Variants in KCND2 observed in about 807,000 individuals in gnomAD.
KCND2 encodes the protein A-type voltage-gated potassium channel KCND2.
A neutral mutation model predicts 54.4 loss-of-function variants in KCND2; 16 were observed. The observed-to-expected ratio is 0.29, with a 90% confidence interval of 0.20 to 0.45. KCND2 has a LOEUF of 0.45. Among genes scored for constraint, KCND2 ranks in the 20% least tolerant of loss-of-function variants. The pLI is 1.00. For missense variants in KCND2, 486 were observed against 824.2 expected, an observed-to-expected ratio of 0.59 and a Z score of 5.02; for synonymous variants, 317 against 310.7, an observed-to-expected ratio of 1.02 and a Z score of -0.21.
rs1221767845 is a variant in KCND2 at position 120,651,216 on chromosome 7, G to A, written c.1116-81687G>A. ...TCAGCTATGCCCTGCCCCCAGAGGT[G>A]GAGTCTACAGAGGCAGGCAGGCCTC... On this transcript the variant is annotated intron_variant, in intron 1 of 5. Coordinates refer to ENST00000331113, the MANE Select transcript of KCND2 (RefSeq NM_012281.3). 2.1e-5 allele frequency among the ~76,000 whole-genome samples: 3 copies of A among 143,356 alleles called. 1 individual carries two copies. The highest frequency in any genetic ancestry group is 4.5e-5 in the Non-Finnish European group (3 of 65,948). 94.0% of individuals were successfully genotyped at this position (143,356 alleles called of 152,430 possible).
chr7:120,301,462 T>C (rs780868053), intron 1 of KCND2, among the ~76,000 whole-genome samples: 1 of 152,168 alleles, frequency 6.6e-6, no homozygotes, highest in Non-Finnish European at 1.5e-5. Flanking sequence ...TAAGTCGCCA[T>C]CTAAAATCTT....
intron 1 of KCND2, among the ~76,000 whole-genome samples, chr7:120,557,972 A>T (rs907875246): frequency 6.6e-6 from 1 of 152,170 alleles, no homozygotes; most frequent in Non-Finnish European, 1.5e-5. Flanking sequence ...TTTGAAATGT[A>T]CAATAGTCCT....
At chr7:120,607,747 T>C (rs1010570991) in intron 1 of KCND2, among the ~76,000 whole-genome samples, 1 of 151,924 alleles carries the variant, frequency 6.6e-6, no homozygotes, top group Non-Finnish European at 1.5e-5. Context: ...AAAGAATAAG[T>C]AGGGGAAGAT....
At chr7:120,609,453 A>G (rs565643405) in intron 1 of KCND2, among the ~76,000 whole-genome samples, 1 of 152,260 alleles carries the variant, frequency 6.6e-6, no homozygotes, top group South Asian at 2.1e-4. Flanking sequence ...CGATCCACTC[A>G]TATGGTCTAA....
chr7:120,662,300 ATCT>A (rs1791875694), intron 1 of KCND2, among the ~76,000 whole-genome samples: 1 of 152,204 alleles, frequency 6.6e-6, no homozygotes, highest in Admixed American at 6.5e-5. Flanking sequence ...AAGCACTATA[ATCT>A]TCTCCTAAAT....
intron 1 of KCND2, among the ~76,000 whole-genome samples, chr7:120,520,072 A>G (rs1483186312): frequency 6.6e-6 from 1 of 152,120 alleles, no homozygotes; most frequent in Non-Finnish European, 1.5e-5. Flanking sequence ...CACAATGAAT[A>G]TATTAACAAT....
At position 120,274,103 on chromosome 7, in the gene KCND2, A is replaced by G. The variant is rs537279866; in HGVS notation, c.-530A>G. ...ACCGCATCTCCTGAGCTACAACAACAGGTCGCCTTTTTGAGACTCCTTTGG... is the reference window on the plus strand; with the variant it reads ...ACCGCATCTCCTGAGCTACAACAACGGGTCGCCTTTTTGAGACTCCTTTGG... On this transcript the variant is annotated 5_prime_UTR_variant, in exon 1 of 6. Transcript: ENST00000331113. 1.3e-4 allele frequency: 21 copies of G among 159,630 alleles called. No homozygotes were observed. Among genetic ancestry groups the G allele is most frequent in the South Asian group, 1.8e-4 (1 of 5,582 alleles). The allele number at this position is 159,630 out of a possible 1,614,324, so 9.9% of individuals were successfully genotyped here.
intron 1 of KCND2, among the ~76,000 whole-genome samples, chr7:120,564,494 C>A (rs1422353962): frequency 6.6e-6 from 1 of 152,096 alleles, no homozygotes; most frequent in Non-Finnish European, 1.5e-5. Flanking sequence ...AATACATATT[C>A]TTCTGCAATA....
intron 1 of KCND2, among the ~76,000 whole-genome samples, chr7:120,332,762 T>C (rs1279208601): frequency 6.6e-6 from 1 of 152,124 alleles, no homozygotes; most frequent in Non-Finnish European, 1.5e-5. Flanking sequence ...CATTTTTCTC[T>C]TCTTTTTATA....
At chr7:120,300,540 T>C (rs1486117315) in intron 1 of KCND2, among the ~76,000 whole-genome samples, 1 of 152,148 alleles carries the variant, frequency 6.6e-6, no homozygotes, top group African/African-American at 2.4e-5. Context: ...AAATATATAG[T>C]GAACATGGAT....
At chr7:120,454,312 T>C (rs900650759) in intron 1 of KCND2, among the ~76,000 whole-genome samples, 1 of 151,872 alleles carries the variant, frequency 6.6e-6, no homozygotes, top group African/African-American at 2.4e-5. Flanking sequence ...GACCACTAGC[T>C]AGACAAAGAA....
At chr7:120,424,209 C>T (rs558106079) in intron 1 of KCND2, among the ~76,000 whole-genome samples, 38 of 152,276 alleles carry the variant, frequency 2.5e-4, no homozygotes, top group African/African-American at 8.4e-4. Context: ...GAAATCAGAT[C>T]ATTGACATTC....
intron 1 of KCND2, among the ~76,000 whole-genome samples, chr7:120,530,486 C>A (rs1791830461): frequency 6.6e-6 from 1 of 152,108 alleles, no homozygotes; most frequent in African/African-American, 2.4e-5. Context: ...CTAACATTGT[C>A]ATTGCTTCCA....
intron 1 of KCND2, among the ~76,000 whole-genome samples, chr7:120,400,774 T>TA (rs1412646008): frequency 6.6e-6 from 1 of 152,114 alleles, no homozygotes; most frequent in Non-Finnish European, 1.5e-5. Context: ...ACTGTGCATC[T>TA]AACAAGGACA....
rs951783487 is a variant in KCND2, at chr7:120,273,722, A to G, written c.-911A>G. 3.3e-5 allele frequency: 5 copies of G among 152,552 alleles called. No individual in the cohort carries two copies. The highest frequency in any genetic ancestry group is 7.3e-5 in the Non-Finnish European group (5 of 68,094). 9.4% of individuals were successfully genotyped at this position (152,552 alleles called of 1,614,324 possible). On this transcript the variant is annotated 5_prime_UTR_variant, in exon 1 of 6. Coordinates refer to ENST00000331113, the MANE Select transcript of KCND2 (RefSeq NM_012281.3). ...TTCCCTTTCCGGGTGCACGGCGAGG[A>G]GAAAGTCTCTATGCAACTAAGCCCC...
At chr7:120,660,764 T>G (rs1791856322) in intron 1 of KCND2, among the ~76,000 whole-genome samples, 1 of 152,184 alleles carries the variant, frequency 6.6e-6, no homozygotes, top group African/African-American at 2.4e-5. Flanking sequence ...TGGCCTCAGT[T>G]AATGGTTTAT....
chr7:120,423,912 G>A (rs186626122), intron 1 of KCND2, among the ~76,000 whole-genome samples: 2 of 152,232 alleles, frequency 1.3e-5, no homozygotes, highest in African/African-American at 2.4e-5. Flanking sequence ...TAAAACTTTT[G>A]AATAGAGAGA....
At chr7:120,579,710 A>T (rs1258097206) in intron 1 of KCND2, among the ~76,000 whole-genome samples, 1 of 151,834 alleles carries the variant, frequency 6.6e-6, no homozygotes, top group East Asian at 1.9e-4. Flanking sequence ...TTTTTAAAAA[A>T]AATCATTATT....
chr7:120,374,695 C>T (rs1489867608), intron 1 of KCND2, among the ~76,000 whole-genome samples: 4 of 151,788 alleles, frequency 2.6e-5, no homozygotes, highest in East Asian at 3.9e-4. Flanking sequence ...TTTGCCTTTC[C>T]TTTCAGCCTC....
Sources: gnomAD v4.1 joint callset for allele counts (sites outside exome capture counted in the v4.1 genomes callset) on GRCh38, gnomAD v4.1.1 for gene constraint, MANE v1.5 for transcripts, NCBI Gene and HGNC (gene_info 2026-07-23, HGNC 2026-07-21) for gene names.